FSTL5: variants seen among roughly 807,000 people sequenced by gnomAD.
FSTL5 encodes follistatin like 5.
FSTL5 carries 62 observed loss-of-function variants against 89.1 expected under a neutral mutation model. The ratio of observed to expected loss-of-function variants is 0.70; its 90% CI spans 0.57 to 0.86. The LOEUF (loss-of-function observed/expected upper bound fraction) is 0.86. Among genes scored for constraint, FSTL5 ranks in the 40% least tolerant of loss-of-function variants. The pLI, the probability that FSTL5 is intolerant of heterozygous loss-of-function variation, is 0.00. For missense variants in FSTL5, 1,057 were observed against 1,001.6 expected, an observed-to-expected ratio of 1.06 and a Z score of -0.75; for synonymous variants, 383 against 346.2, an observed-to-expected ratio of 1.11 and a Z score of -1.18.
chr4:161,890,578 C>A (rs1277289315), intron 4 of FSTL5, among the ~76,000 whole-genome samples: 1 of 150,652 alleles, frequency 6.6e-6, no homozygotes, highest in Non-Finnish European at 1.5e-5. Flanking sequence ...ACCCCAGCTA[C>A]TCAGGAGGCT....
chr4:162,081,463 G>A (rs1320949687), intron 2 of FSTL5, among the ~76,000 whole-genome samples: 2 of 151,428 alleles, frequency 1.3e-5, no homozygotes, highest in African/African-American at 2.4e-5. Context: ...GCAAAGCCCT[G>A]ATAAATTAAA....
At chr4:161,526,232 C>A (rs933500380) in intron 10 of FSTL5, among the ~76,000 whole-genome samples, 4 of 152,078 alleles carry the variant, frequency 2.6e-5, no homozygotes, top group African/African-American at 9.7e-5. Flanking sequence ...CACACAGAAT[C>A]CTTACTTTAT....
intron 7 of FSTL5, among the ~76,000 whole-genome samples, chr4:161,615,550 C>A (rs1734835130): frequency 6.6e-6 from 1 of 151,704 alleles, no homozygotes; most frequent in South Asian, 2.1e-4. Flanking sequence ...CACACACATG[C>A]ATGTACACGC....
At position 161,695,530 on chromosome 4, in the gene FSTL5, C is replaced by T. The variant is rs138402742; in HGVS notation, c.728-39036G>A. Among the ~76,000 whole-genome samples, 903 of 151,488 alleles carry T rather than the reference C, an allele frequency of 6.0e-3. 13 individuals carry two copies. The highest frequency in any genetic ancestry group is 0.048 in the South Asian group (229 of 4,804). ...TTATCCACTTGTCGATTGATGGGCA[C>T]TTGGGTTGGTTCCATGTTTTTGCAA... On this transcript the variant is annotated intron_variant, in intron 6 of 15. Transcript: ENST00000306100.
At chr4:161,678,826 T>A (rs1410139421) in intron 6 of FSTL5, among the ~76,000 whole-genome samples, 1 of 151,802 alleles carries the variant, frequency 6.6e-6, no homozygotes, top group African/African-American at 2.4e-5. Context: ...AGAATTTTGA[T>A]ACCTGAGAGT....
intron 6 of FSTL5, among the ~76,000 whole-genome samples, chr4:161,670,443 T>C (rs1472289328): frequency 6.6e-6 from 1 of 152,222 alleles, no homozygotes; most frequent in East Asian, 1.9e-4. Flanking sequence ...CTGTCTTTAA[T>C]AAACTGAACA....
At chr4:161,449,731 C>T (rs1011699673) in intron 15 of FSTL5, among the ~76,000 whole-genome samples, 2 of 152,146 alleles carry the variant, frequency 1.3e-5, no homozygotes, top group Middle Eastern at 3.4e-3. Flanking sequence ...ATACATAATA[C>T]ATCTTTTTTT....
At position 161,411,974 on chromosome 4, in the gene FSTL5, GATAAACAACTTATTA is replaced by G. The variant is rs537858654; in HGVS notation, c.1842-25540_1842-25526del. Among the ~76,000 whole-genome samples, 3 of 152,220 alleles carry G rather than the reference GATAAACAACTTATTA, an allele frequency of 2.0e-5. No homozygotes were observed. The South Asian group carries it at 6.2e-4, about 32-fold the overall frequency. ...TCTCTGCTAAAAGGCTCCTAGAATT[GATAAACAACTTATTA>G]AGGTTTCACCATACAAAATTAATGT... is the stretch of plus-strand genomic sequence containing the variant. On this transcript the variant is annotated intron_variant, in intron 15 of 15. Coordinates refer to ENST00000306100, the MANE Select transcript of FSTL5 (RefSeq NM_020116.5).
intron 3 of FSTL5, among the ~76,000 whole-genome samples, chr4:161,969,323 A>G (rs1735416238): frequency 6.6e-6 from 1 of 152,210 alleles, no homozygotes; most frequent in Non-Finnish European, 1.5e-5. Flanking sequence ...TGTTGAAAAT[A>G]ACATATTTTA....
chr4:161,436,920 A>G (rs1014574216), intron 15 of FSTL5, among the ~76,000 whole-genome samples: 4 of 152,196 alleles, frequency 2.6e-5, no homozygotes, highest in Non-Finnish European at 4.4e-5. Context: ...TTCACTTAAC[A>G]TTGTGAATTT....
intron 7 of FSTL5, among the ~76,000 whole-genome samples, chr4:161,652,269 T>A (rs1282571531): frequency 1.3e-5 from 2 of 152,042 alleles, no homozygotes; most frequent in African/African-American, 4.8e-5. Context: ...ACCCCATCTC[T>A]ACAAAAAATT....
intron 15 of FSTL5, among the ~76,000 whole-genome samples, chr4:161,401,310 A>C (rs1011811686): frequency 2.6e-5 from 4 of 152,192 alleles, no homozygotes; most frequent in Non-Finnish European, 5.9e-5. Flanking sequence ...GAGAAATTTT[A>C]TGAGGAAGAA....
intron 8 of FSTL5, among the ~76,000 whole-genome samples, chr4:161,549,589 T>C (rs1258311295): frequency 7.9e-5 from 12 of 151,934 alleles, no homozygotes; most frequent in Non-Finnish European, 1.5e-5. Context: ...TGAGAGTATA[T>C]GTAACATACG....
chr4:161,970,072 T>C (rs1735439764), intron 3 of FSTL5, among the ~76,000 whole-genome samples: 1 of 151,944 alleles, frequency 6.6e-6, no homozygotes, highest in African/African-American at 2.4e-5. Context: ...TTAAGGAAAA[T>C]TATGTAATGT....
chr4:162,109,372 C>T (rs1217617605), intron 2 of FSTL5, among the ~76,000 whole-genome samples: 1 of 152,120 alleles, frequency 6.6e-6, no homozygotes, highest in Non-Finnish European at 1.5e-5. Context: ...AACAGACACA[C>T]ACACATTCAC....
intron 4 of FSTL5, among the ~76,000 whole-genome samples, chr4:161,847,308 T>A: frequency 6.6e-6 from 1 of 152,318 alleles, no homozygotes; most frequent in East Asian, 1.9e-4. Context: ...TTGTTGAGTG[T>A]TTTCAATATA....
At chr4:161,473,509 T>C (rs1396237194) in intron 13 of FSTL5, among the ~76,000 whole-genome samples, 2 of 151,526 alleles carry the variant, frequency 1.3e-5, no homozygotes, top group Non-Finnish European at 2.9e-5. Flanking sequence ...CACTGCAGCT[T>C]TGACTTCCAG....
chr4:161,501,332 G>A (rs1287862705), intron 11 of FSTL5, among the ~76,000 whole-genome samples: 1 of 152,030 alleles, frequency 6.6e-6, no homozygotes, highest in Non-Finnish European at 1.5e-5. Flanking sequence ...TAAAAAATAT[G>A]TGTTTATTGA....
At chr4:161,516,661 T>C (rs1179245053) in intron 10 of FSTL5, among the ~76,000 whole-genome samples, 3 of 119,468 alleles carry the variant, frequency 2.5e-5, no homozygotes, top group Non-Finnish European at 3.5e-5. Context: ...ATAAATTATA[T>C]ATACACACAC....
Sources: gnomAD v4.1 joint callset for allele counts (sites outside exome capture counted in the v4.1 genomes callset) on GRCh38, gnomAD v4.1.1 for gene constraint, MANE v1.5 for transcripts, NCBI Gene and HGNC (gene_info 2026-07-23, HGNC 2026-07-21) for gene names.